TULP4: variants seen among roughly 807,000 people sequenced by gnomAD.
The protein encoded by TULP4 is TUB like protein 4, also known as tubby-related protein 4.
In TULP4, 16 loss-of-function variants were observed where a neutral mutation model predicts 129.0. The observed-to-expected ratio is 0.12, with a 90% CI of 0.08 to 0.19. The LOEUF is 0.19. Among genes scored for constraint, TULP4 ranks in the 10% least tolerant of loss-of-function variants. TULP4 has a pLI of 1.00. For missense variants in TULP4, 1,842 were observed against 2,059.1 expected (o/e 0.89, Z 2.04); for synonymous variants, 998 against 854.0 (o/e 1.17, Z -2.94).
In TULP4 at chr6:158,237,423, G is replaced by C; in HGVS notation, n.68+5120G>C. The C allele has an allele frequency of 1.9e-6, 3 of 1,595,686 alleles. No individual in the cohort carries two copies. The South Asian group carries it at 3.3e-5, about 18-fold the overall frequency. Reference sequence around the variant, plus strand: ...CCCCTGCAGGTCTCTGGTGTCTTGGGGGTATGATGTTACTTGTAGAGGCAG... The same window carrying C: ...CCCCTGCAGGTCTCTGGTGTCTTGGCGGTATGATGTTACTTGTAGAGGCAG... On this transcript the variant is annotated intron_variant and non_coding_transcript_variant, in intron 1 of 1. Coordinates refer to the TULP4 transcript ENST00000620026.
intron 6 of TULP4, among the ~76,000 whole-genome samples, chr6:158,475,503 C>T (rs375027946): frequency 1.3e-5 from 2 of 152,206 alleles, no homozygotes; most frequent in South Asian, 4.1e-4. Flanking sequence ...AGATTAAGAC[C>T]GCAAACTTAC....
At chr6:158,319,461 C>T (rs1424288694) in intron 1 of TULP4, among the ~76,000 whole-genome samples, 3 of 152,208 alleles carry the variant, frequency 2.0e-5, no homozygotes, top group South Asian at 2.1e-4. Flanking sequence ...GCAGAAAAAC[C>T]CTGTGTCCCC....
intron 1 of TULP4, among the ~76,000 whole-genome samples, chr6:158,293,880 C>T (rs558115648): frequency 8.3e-4 from 126 of 152,294 alleles, no homozygotes; most frequent in African/African-American, 2.8e-3. Context: ...TGTTTCCCTG[C>T]GTTTGTCAAT....
intron 1 of TULP4, among the ~76,000 whole-genome samples, chr6:158,269,484 C>T (rs77010435): frequency 0.016 from 2,359 of 151,826 alleles, 66 homozygotes; most frequent in African/African-American, 0.055. Context: ...AAATCATTAG[C>T]ATTCACATAC....
intron 8 of TULP4, among the ~76,000 whole-genome samples, chr6:158,489,157 G>A (rs1780137170): frequency 6.6e-6 from 1 of 152,172 alleles, no homozygotes; most frequent in African/African-American, 2.4e-5. Context: ...TGTAGTTCAA[G>A]CAGGCTTGGC....
At chr6:158,421,471 G>T (rs1778339125) in intron 2 of TULP4, among the ~76,000 whole-genome samples, 1 of 152,198 alleles carries the variant, frequency 6.6e-6, no homozygotes, top group African/African-American at 2.4e-5. Flanking sequence ...GTTGACAATT[G>T]GTTGAGTTTG....
At chr6:158,369,271 A>G (rs1295955419) in intron 1 of TULP4, among the ~76,000 whole-genome samples, 1 of 152,108 alleles carries the variant, frequency 6.6e-6, no homozygotes, top group East Asian at 1.9e-4. Context: ...GACTGGGAGG[A>G]TCGCTTGAGC....
upstream of TULP4, among the ~76,000 whole-genome samples, chr6:158,278,788 A>G (rs1205193460): frequency 6.6e-6 from 1 of 152,066 alleles, no homozygotes; most frequent in Non-Finnish European, 1.5e-5. Context: ...AGGACCTCCT[A>G]TGTTTAGGGC....
chr6:158,466,448 C>CT (rs869111564), intron 6 of TULP4, among the ~76,000 whole-genome samples: 1 of 294 alleles, frequency 3.4e-3, no homozygotes. Context: ...ATTTGCATTT[C>CT]CTAAGGATTA....
In TULP4 at chr6:158,502,771, C is replaced by T. The variant is rs982876768; in HGVS notation, c.3108C>T (p.Thr1036=). 22 of 1,606,064 alleles carry T rather than the reference C, an allele frequency of 1.4e-5. 1 individual carries two copies. Among genetic ancestry groups the T allele is most frequent in the East Asian group, 6.7e-5 (3 of 44,838 alleles). Residue 1036 remains threonine, a synonymous_variant, in exon 13 of 14, where the codon ACC becomes ACT. Transcript: ENST00000367097. The part of the protein sequence containing the change: ...LPARPPPALY[T]CSQCSGTGPS... Reference sequence around the variant, plus strand: ...CGCGGCCCCCACCTGCCCTGTACACCTGCAGTCAGTGCAGTGGCACAGGGC... The same window carrying T: ...CGCGGCCCCCACCTGCCCTGTACACTTGCAGTCAGTGCAGTGGCACAGGGC...
rs1554291517 is a variant in TULP4 at position 158,439,729 on chromosome 6, T to TG, written c.544-9266dup. On this transcript the variant is annotated intron_variant, in intron 3 of 13. Coordinates refer to ENST00000367097, the MANE Select transcript of TULP4 (RefSeq NM_020245.5). ...TTTTTTTTTTTTTTTTTTTTTTTTT[T>TG]GAGACGGAGTCTTGCTCTGTTGCCC... Among the ~76,000 whole-genome samples the TG allele has an allele frequency of 5.3e-5, 6 of 113,056 alleles. No homozygotes were observed. In the East Asian group the frequency reaches 1.4e-3, roughly 27 times the overall value. 74.2% of individuals were successfully genotyped at this position (113,056 alleles called of 152,430 possible). A position where few individuals can be genotyped will look rare whatever the true frequency, so the allele number is the denominator to read the frequency against.
At chr6:158,247,592 A>G (rs1778051464) in intron 1 of TULP4, among the ~76,000 whole-genome samples, 1 of 152,228 alleles carries the variant, frequency 6.6e-6, no homozygotes, top group South Asian at 2.1e-4. Flanking sequence ...TTCTTGAGTC[A>G]GTTATACCTC....
At chr6:158,395,061 C>T (rs2114961000) in intron 1 of TULP4, among the ~76,000 whole-genome samples, 1 of 152,190 alleles carries the variant, frequency 6.6e-6, no homozygotes, top group South Asian at 2.1e-4. Context: ...AGAGGGAAAT[C>T]CGCCCCCATG....
At chr6:158,324,693 G>C (rs2128488841) in intron 1 of TULP4, among the ~76,000 whole-genome samples, 1 of 152,270 alleles carries the variant, frequency 6.6e-6, no homozygotes, top group Non-Finnish European at 1.5e-5. Context: ...CCATTATTTA[G>C]TGTAGCCCTC....
rs561607536 is a variant in TULP4, at chr6:158,493,981, C to G, written c.1776+264C>G. On this transcript the variant is annotated intron_variant, in intron 10 of 13. Coordinates refer to ENST00000367097, the MANE Select transcript of TULP4 (RefSeq NM_020245.5). The surrounding 1 kb of genome is among the most constrained non-coding windows in gnomAD (Gnocchi z 4.4). Reference sequence around the variant, plus strand: ...CCCATCACAGCTCCCACCGTCCAGCCCTGCCTGCCTTTCCCTCCTGGTCCC... The same window carrying G: ...CCCATCACAGCTCCCACCGTCCAGCGCTGCCTGCCTTTCCCTCCTGGTCCC... 1.3e-5 allele frequency among the ~76,000 whole-genome samples: 2 copies of G among 152,246 alleles called. No homozygotes were observed. Among genetic ancestry groups the G allele is most frequent in the Admixed American group, 1.3e-4 (2 of 15,306 alleles).
chr6:158,383,386 G>T (rs1458886547), intron 1 of TULP4, among the ~76,000 whole-genome samples: 1 of 152,202 alleles, frequency 6.6e-6, no homozygotes, highest in African/African-American at 2.4e-5. Context: ...ACTGTTGTGA[G>T]AATTATAATG....
At chr6:158,346,192 C>T (rs1020880599) in intron 1 of TULP4, among the ~76,000 whole-genome samples, 2 of 152,142 alleles carry the variant, frequency 1.3e-5, no homozygotes, top group African/African-American at 2.4e-5. Context: ...TCAATTTGTA[C>T]AGTTAACACA....
chr6:158,435,837 T>A (rs1307285127), intron 3 of TULP4, among the ~76,000 whole-genome samples: 1 of 151,988 alleles, frequency 6.6e-6, no homozygotes, highest in African/African-American at 2.4e-5. Context: ...ATCTGCACTC[T>A]TATCTTGCTT....
intron 6 of TULP4, among the ~76,000 whole-genome samples, chr6:158,473,579 C>T (rs879388813): frequency 1.3e-5 from 2 of 152,174 alleles, no homozygotes; most frequent in Non-Finnish European, 2.9e-5. Flanking sequence ...TGTGCAATGG[C>T]GCGATCTCAG....
Sources: gnomAD v4.1 joint callset for allele counts (sites outside exome capture counted in the v4.1 genomes callset) on GRCh38, gnomAD v4.1.1 for gene constraint, Gnocchi (gnomAD v3.1) non-coding constraint, MANE v1.5 for transcripts, NCBI Gene and HGNC (gene_info 2026-07-23, HGNC 2026-07-21) for gene names.